PTPN11: variants seen among roughly 807,000 people sequenced by gnomAD.
PTPN11 encodes the protein tyrosine-protein phosphatase non-receptor type 11.
A neutral mutation model predicts 78.8 loss-of-function variants in PTPN11; 6 were observed. That is an observed-to-expected ratio of 0.08 (90% CI 0.04 to 0.15). The LOEUF is 0.15. Ranked by LOEUF, PTPN11 falls within the 10% of genes least tolerant of loss-of-function variation. The pLI, the probability that PTPN11 is intolerant of heterozygous loss-of-function variation, is 1.00. For synonymous variants in PTPN11, 221 were observed against 263.5 expected, an observed-to-expected ratio of 0.84 and a Z score of 1.56; for missense variants, 386 against 744.8, an observed-to-expected ratio of 0.52 and a Z score of 5.61.
At chr12:112,420,303 G>A (rs919154652) in intron 1 of PTPN11, among the ~76,000 whole-genome samples, 1 of 151,806 alleles carries the variant, frequency 6.6e-6, no homozygotes, top group African/African-American at 2.4e-5. Context: ...TTTAAAAAAC[G>A]ATTCAAGCTA....
Position 112,454,424 on chromosome 12 carries a change from A to G in PTPN11, c.526-140A>G, listed in dbSNP as rs76987540. 644 of 745,510 alleles carry G rather than the reference A, an allele frequency of 8.6e-4. 4 individuals are homozygous for G. The highest frequency in any genetic ancestry group is 8.4e-3 in the African/African-American group (484 of 57,934). 46.2% of individuals were successfully genotyped at this position (745,510 alleles called of 1,614,324 possible). A position where few individuals can be genotyped will look rare whatever the true frequency, so the allele number is the denominator to read the frequency against. On this transcript the variant is annotated intron_variant, in intron 4 of 15. Transcript: ENST00000351677. ...CGTGAGCCACTGCACCCAGCCTATT[A>G]TCTGTCTTTTGATGGACATTTAAGT... is the stretch of plus-strand genomic sequence containing the variant.
chr12:112,449,916 G>T (rs2038054629), intron 2 of PTPN11, among the ~76,000 whole-genome samples: 1 of 151,914 alleles, frequency 6.6e-6, no homozygotes, highest in African/African-American at 2.4e-5. Context: ...AAATACAAAA[G>T]TAGCTGAGCG....
chr12:112,442,452 TTTAA>T (rs1056630414), intron 1 of PTPN11, among the ~76,000 whole-genome samples: 8 of 152,008 alleles, frequency 5.3e-5, no homozygotes, highest in African/African-American at 1.4e-4. Flanking sequence ...TTTAAATTTA[TTTAA>T]TTAATTTATT....
chr12:112,454,484 C>A, intron 4 of PTPN11, 80 bp from the exon 5 acceptor site: 1 of 990,570 alleles, frequency 1.0e-6, no homozygotes, highest in Non-Finnish European at 1.6e-6. Flanking sequence ...AATAATGCTG[C>A]AGTGAACATG....
chr12:112,421,754 G>C (rs2037329806), intron 1 of PTPN11, among the ~76,000 whole-genome samples: 1 of 151,972 alleles, frequency 6.6e-6, no homozygotes, highest in South Asian at 2.1e-4. Flanking sequence ...CAGCTTTCCG[G>C]TTACTGGGGC....
chr12:112,435,647 G>GTT (rs552552504), intron 1 of PTPN11, among the ~76,000 whole-genome samples: 6,541 of 135,658 alleles, frequency 0.048, 478 homozygotes, highest in African/African-American at 0.15. Context: ...TAGGATTAAG[G>GTT]TTTTTTTTTT....
chr12:112,481,232 C>G (rs768532004), intron 9 of PTPN11, among the ~76,000 whole-genome samples: 1 of 152,184 alleles, frequency 6.6e-6, no homozygotes, highest in Non-Finnish European at 1.5e-5. Context: ...CAGTCTGGCT[C>G]GTTGGGCAGC....
At chr12:112,463,746 T>C (rs1004862006) in intron 6 of PTPN11, among the ~76,000 whole-genome samples, 1 of 152,008 alleles carries the variant, frequency 6.6e-6, no homozygotes, top group Non-Finnish European at 1.5e-5. Flanking sequence ...TCCACAGAGG[T>C]CAGACTGAGG....
At chr12:112,460,617 G>A (rs772305735) in intron 6 of PTPN11, among the ~76,000 whole-genome samples, 3 of 152,124 alleles carry the variant, frequency 2.0e-5, no homozygotes, top group Non-Finnish European at 4.4e-5. Context: ...GCTGAGGTGG[G>A]CGGATCACGA....
intron 1 of PTPN11, among the ~76,000 whole-genome samples, chr12:112,428,576 C>T (rs2037659529): frequency 6.6e-6 from 1 of 151,240 alleles, no homozygotes; most frequent in South Asian, 2.1e-4. Flanking sequence ...TTGCAAATTA[C>T]AGAATTGTCA....
At position 112,486,491 on chromosome 12, in the gene PTPN11, C is replaced by T. The variant is rs1193000800; in HGVS notation, c.1241C>T (p.Thr414Met). 2.5e-6 allele frequency: 4 copies of T among 1,613,900 alleles called. No homozygotes were observed. The highest frequency in any genetic ancestry group is 2.2e-5 in the East Asian group (1 of 44,894). ...SKVGQGNTERTVWQYHFRTWP... is the reference protein window; with the variant it reads ...SKVGQGNTERMVWQYHFRTWP... The stretch of plus-strand genomic sequence containing the variant: ...CTACTCCAGGGGAATACGGAGAGAA[C>T]GGTCTGGCAATACCACTTTCGGACC... The change falls in exon 11 of 16, where the codon ACG becomes ATG. Residue 414 changes from threonine (T) to methionine (M), a missense_variant. This residue lies in a region of PTPN11 where 279 missense variants were observed against 503.3 expected (regional missense o/e 0.55). Transcript: ENST00000351677.
In PTPN11 at chr12:112,486,552, C is replaced by T. The variant is rs777895575; in HGVS notation, c.1302C>T (p.Gly434=). The T allele has an allele frequency of 6.2e-6, 10 of 1,614,166 alleles. No individual in the cohort carries two copies. Among genetic ancestry groups the T allele is most frequent in the African/African-American group, 4.0e-5 (3 of 75,052 alleles). The change falls in exon 11 of 16, where the codon GGC becomes GGT. Residue 434 remains glycine (G), a synonymous_variant. Coordinates refer to ENST00000351677, the MANE Select transcript of PTPN11 (RefSeq NM_002834.5). ...PDHGVPSDPG[G]VLDFLEEVHH... is the part of the protein sequence containing the mutation. ...ACGGCGTGCCCAGCGACCCTGGGGG[C>T]GTGCTGGACTTCCTGGAGGAGGTGC... is the stretch of plus-strand genomic sequence containing the variant.
At chr12:112,455,596 G>T (rs1350664937) in intron 5 of PTPN11, among the ~76,000 whole-genome samples, 1 of 151,906 alleles carries the variant, frequency 6.6e-6, no homozygotes, top group Non-Finnish European at 1.5e-5. Context: ...TTACCTTTAG[G>T]TAACCTCACT....
chr12:112,486,729 A>T, intron 11 of PTPN11, 100 bp downstream of exon 11: 2 of 1,547,086 alleles, frequency 1.3e-6, no homozygotes, highest in Non-Finnish European at 8.7e-7. Context: ...TAACTGTAGG[A>T]AGAATTTAAT....
At chr12:112,473,179 A>G in intron 7 of PTPN11, 139 bp downstream of exon 7, 1 of 725,340 alleles carries the variant, frequency 1.4e-6, no homozygotes. Flanking sequence ...CAGTTTCCAA[A>G]ATAATCAACC....
In PTPN11 at chr12:112,419,213, G is replaced by A. The variant is rs2037477243; in HGVS notation, c.14+88G>A. The A allele has an allele frequency of 3.1e-6, 4 of 1,291,282 alleles. No individual in the cohort carries two copies. The Admixed American group carries it at 1.6e-4, about 53-fold the overall frequency. The allele number at this position is 1,291,282 out of a possible 1,614,324, so 80.0% of individuals were successfully genotyped here. A position where few individuals can be genotyped will look rare whatever the true frequency, so the allele number is the denominator to read the frequency against. ...CCGTCCGGAAGGGGGCGCCCCGGCC[G>A]GGCTTCGGGCTCCCGCCCCGGGTCG... is the stretch of plus-strand genomic sequence containing the variant. On this transcript the variant is annotated intron_variant, in intron 1 of 15. Transcript: ENST00000351677.
chr12:112,440,699 G>C (rs773275577), intron 1 of PTPN11, among the ~76,000 whole-genome samples: 1 of 148,230 alleles, frequency 6.7e-6, no homozygotes, highest in Non-Finnish European at 1.5e-5. Context: ...TCAGCCTCCC[G>C]AGTATCTGAG....
intron 2 of PTPN11, among the ~76,000 whole-genome samples, chr12:112,449,277 C>T (rs181547804): frequency 5.5e-4 from 82 of 149,872 alleles, no homozygotes; most frequent in African/African-American, 1.9e-3. Flanking sequence ...CCAAGGCAGG[C>T]GGCGGATCAT....
chr12:112,450,051 A>C (rs1162509003), intron 2 of PTPN11, among the ~76,000 whole-genome samples: 1 of 150,616 alleles, frequency 6.6e-6, no homozygotes, highest in Admixed American at 6.7e-5. Flanking sequence ...ACGTCATTGC[A>C]CTCCAGCCTG....
Sources: allele counts gnomAD v4.1 joint callset (sites outside exome capture counted in the v4.1 genomes callset), GRCh38; gene constraint gnomAD v4.1.1; regional missense constraint gnomAD v4.1.1; transcripts MANE v1.5; gene names NCBI Gene and HGNC (gene_info 2026-07-23, HGNC 2026-07-21).